MGAT4C: variants seen among roughly 807,000 people sequenced by gnomAD.
MGAT4C encodes alpha-1,3-mannosyl-glycoprotein 4-beta-N-acetylglucosaminyltransferase C.
In MGAT4C, 19 loss-of-function variants were observed where a neutral mutation model predicts 40.1. The observed-to-expected ratio is 0.47, with a 90% CI of 0.33 to 0.70. The LOEUF (loss-of-function observed/expected upper bound fraction) is 0.70. MGAT4C is among the 30% of genes least tolerant of loss of function. MGAT4C has a pLI of 0.02. For missense variants in MGAT4C, 491 were observed against 563.2 expected (o/e 0.87, Z 1.30); for synonymous variants, 181 against 187.1 (o/e 0.97, Z 0.27).
At chr12:86,219,580 A>G (rs181965754) in intron 1 of MGAT4C, among the ~76,000 whole-genome samples, 84 of 152,294 alleles carry the variant, frequency 5.5e-4, no homozygotes, top group Middle Eastern at 3.4e-3. Context: ...ATAGTAGCTA[A>G]AACCTTATTA....
intron 2 of MGAT4C, among the ~76,000 whole-genome samples, chr12:86,717,587 A>T (rs1565945527): frequency 2.0e-5 from 3 of 152,132 alleles, no homozygotes; most frequent in Non-Finnish European, 4.4e-5. Context: ...CTAAGTTGTG[A>T]GGTTTTCTGA....
In MGAT4C at chr12:86,697,168, C is replaced by A. The variant is rs553200476; in HGVS notation, c.-229+30041G>T. Among the ~76,000 whole-genome samples, 4 of 152,160 alleles carry A rather than the reference C, an allele frequency of 2.6e-5. No individual in the cohort carries two copies. The East Asian group carries it at 5.8e-4, about 22-fold the overall frequency. ...GTGATTGGTAATCCAAAGATCATGACCTTATGTATAATATAGGTATATATA... is the reference window on the plus strand; with the variant it reads ...GTGATTGGTAATCCAAAGATCATGAACTTATGTATAATATAGGTATATATA... On this transcript the variant is annotated intron_variant, in intron 2 of 7. Transcript: ENST00000548651.
intron 3 of MGAT4C, among the ~76,000 whole-genome samples, chr12:86,426,688 C>T (rs1206530714): frequency 6.6e-6 from 1 of 152,152 alleles, no homozygotes; most frequent in Non-Finnish European, 1.5e-5. Flanking sequence ...TGGCTCACGC[C>T]TGTAATCAAA....
intron 3 of MGAT4C, among the ~76,000 whole-genome samples, chr12:86,399,676 C>T (rs556263890): frequency 5.3e-5 from 8 of 152,194 alleles, no homozygotes; most frequent in Non-Finnish European, 1.2e-4. Context: ...GTAAGGTGAG[C>T]TTCTGGACAG....
chr12:86,245,232 G>A (rs891832348), intron 1 of MGAT4C, among the ~76,000 whole-genome samples: 4 of 152,134 alleles, frequency 2.6e-5, no homozygotes, highest in Non-Finnish European at 5.9e-5. Context: ...CAGACACTCC[G>A]TCCAGCCCTC....
chr12:86,061,699 C>T (rs183339543), intron 1 of MGAT4C, among the ~76,000 whole-genome samples: 17 of 152,134 alleles, frequency 1.1e-4, no homozygotes, highest in Admixed American at 5.9e-4. Context: ...AAGGGGCATC[C>T]GCCATTACTG....
chr12:86,399,819 C>T (rs551740466), intron 3 of MGAT4C, among the ~76,000 whole-genome samples: 1 of 152,202 alleles, frequency 6.6e-6, no homozygotes, highest in Non-Finnish European at 1.5e-5. Context: ...CTATATATAA[C>T]TTCACCTGGC....
chr12:86,722,965 G>C lies in MGAT4C; in HGVS notation c.-229+4244C>G, dbSNP rs543481389. 5.5e-4 allele frequency among the ~76,000 whole-genome samples: 84 copies of C among 152,236 alleles called. 1 individual carries two copies. Among genetic ancestry groups the C allele is most frequent in the Non-Finnish European group, 3.1e-4 (21 of 68,016 alleles). On this transcript the variant is annotated intron_variant, in intron 2 of 7. Coordinates refer to the MGAT4C transcript ENST00000548651. ...CACCATATGCTGGTGTTAAACCCAG[G>C]TGTCGTCCTATTAATTATTTGTGTT...
chr12:86,367,326 C>T (rs966457235), intron 3 of MGAT4C, among the ~76,000 whole-genome samples: 1 of 152,144 alleles, frequency 6.6e-6, no homozygotes, highest in Admixed American at 6.5e-5. Flanking sequence ...TAGCACATTC[C>T]TTACCCTTCA....
intron 2 of MGAT4C, among the ~76,000 whole-genome samples, chr12:86,049,079 A>G (rs969896096): frequency 2.0e-5 from 3 of 152,096 alleles, no homozygotes; most frequent in African/African-American, 4.8e-5. Context: ...GTAAAGTCTG[A>G]TAAGAAATGG....
At chr12:86,803,192 T>C (rs1325759639) in intron 1 of MGAT4C, among the ~76,000 whole-genome samples, 1 of 150,506 alleles carries the variant, frequency 6.6e-6, no homozygotes, top group Admixed American at 6.6e-5. Context: ...TAAATGGTGC[T>C]GAGAAAACTG....
chr12:86,376,470 G>A lies in MGAT4C; in HGVS notation c.-119-42343C>T, dbSNP rs1485856778. Among the ~76,000 whole-genome samples, 5 of 152,094 alleles carry A rather than the reference G, an allele frequency of 3.3e-5. No individual in the cohort carries two copies. In the South Asian group the frequency reaches 8.3e-4, roughly 25 times the overall value. On this transcript the variant is annotated intron_variant, in intron 3 of 7. Transcript: ENST00000548651. Reference sequence around the variant, plus strand: ...TGAAATACAATTTTTTAGTCAGAATGTAAAGACATTTCTGTACATTGCTAT... The same window carrying A: ...TGAAATACAATTTTTTAGTCAGAATATAAAGACATTTCTGTACATTGCTAT...
intron 2 of MGAT4C, among the ~76,000 whole-genome samples, chr12:86,681,887 A>G (rs1036401219): frequency 2.6e-5 from 4 of 152,046 alleles, no homozygotes; most frequent in Non-Finnish European, 4.4e-5. Context: ...GTAGAAATTT[A>G]CTGAACAAAA....
intron 3 of MGAT4C, among the ~76,000 whole-genome samples, chr12:86,421,519 C>A (rs1956826012): frequency 1.3e-5 from 2 of 152,186 alleles, no homozygotes; most frequent in African/African-American, 4.8e-5. Flanking sequence ...CGCCTGTAGT[C>A]CCAGCACTTT....
At chr12:86,419,398 A>T (rs2136253883) in intron 3 of MGAT4C, among the ~76,000 whole-genome samples, 1 of 151,474 alleles carries the variant, frequency 6.6e-6, no homozygotes, top group South Asian at 2.1e-4. Flanking sequence ...ATATGTACAT[A>T]TATCCATACA....
chr12:86,708,415 T>C (rs1029379144), intron 2 of MGAT4C, among the ~76,000 whole-genome samples: 1 of 152,168 alleles, frequency 6.6e-6, no homozygotes, highest in African/African-American at 2.4e-5. Flanking sequence ...GGGGCCCTCA[T>C]GGAGAATGCC....
chr12:86,801,601 G>A (rs1311799817), intron 1 of MGAT4C, among the ~76,000 whole-genome samples: 2 of 151,690 alleles, frequency 1.3e-5, no homozygotes, highest in African/African-American at 4.8e-5. Context: ...GTGAAGGGGA[G>A]TACAGATGGG....
chr12:86,417,268 T>C (rs1431665559), intron 3 of MGAT4C, among the ~76,000 whole-genome samples: 4 of 152,140 alleles, frequency 2.6e-5, no homozygotes, highest in South Asian at 2.1e-4. Context: ...TAATGTTTTA[T>C]ATTAAATAAC....
intron 2 of MGAT4C, among the ~76,000 whole-genome samples, chr12:86,645,087 A>T (rs1963500925): frequency 6.6e-6 from 1 of 151,508 alleles, no homozygotes; most frequent in African/African-American, 2.4e-5. Context: ...ACAAAATCAT[A>T]TCTATATATT....
Sources: allele counts gnomAD v4.1 joint callset (sites outside exome capture counted in the v4.1 genomes callset), GRCh38; gene constraint gnomAD v4.1.1; transcripts MANE v1.5; gene names NCBI Gene and HGNC (gene_info 2026-07-23, HGNC 2026-07-21).